Variants in MALRD1 observed in about 807,000 individuals in gnomAD.
The protein encoded by MALRD1 is MAM and LDL-receptor class A domain-containing protein 1.
MALRD1 carries 247 observed loss-of-function variants against 242.1 expected under a neutral mutation model. The ratio of observed to expected loss-of-function variants is 1.02; its 90% CI spans 0.92 to 1.13. The LOEUF is 1.13. Among genes scored for constraint, MALRD1 ranks in the 50% most tolerant of loss-of-function variants. MALRD1 has a pLI of 0.00. For synonymous variants in MALRD1, 995 were observed against 866.6 expected (o/e 1.15, Z -2.60); for missense variants, 2,989 against 2,533.1 (o/e 1.18, Z -3.86).
chr10:19,081,801 C>T (rs552581234), intron 2 of MALRD1, among the ~76,000 whole-genome samples: 2 of 152,092 alleles, frequency 1.3e-5, no homozygotes, highest in East Asian at 3.9e-4. Context: ...AATCATCCTT[C>T]TGAATTTCAT....
At chr10:19,289,403 A>G (rs546410118) in intron 21 of MALRD1, among the ~76,000 whole-genome samples, 68 of 152,330 alleles carry the variant, frequency 4.5e-4, no homozygotes, top group African/African-American at 1.6e-3. Flanking sequence ...TTATTTGTTG[A>G]ATGAATTAGT....
intron 14 of MALRD1, among the ~76,000 whole-genome samples, chr10:19,197,387 ATGT>A (rs1481743708): frequency 6.6e-6 from 1 of 152,158 alleles, no homozygotes; most frequent in East Asian, 1.9e-4. Context: ...GTAAAGTCAG[ATGT>A]TGTCACATCT....
intron 38 of MALRD1, among the ~76,000 whole-genome samples, chr10:19,728,939 C>A (rs575155501): frequency 2.6e-5 from 4 of 152,228 alleles, no homozygotes; most frequent in African/African-American, 9.6e-5. Flanking sequence ...TTAATCAGAG[C>A]AACTAATAAG....
chr10:19,503,235 G>A (rs1175041967), intron 31 of MALRD1, among the ~76,000 whole-genome samples: 2 of 152,180 alleles, frequency 1.3e-5, no homozygotes, highest in Non-Finnish European at 2.9e-5. Context: ...TGAATAAATT[G>A]TAAGGACATT....
chr10:19,257,872 C>G, intron 19 of MALRD1, 101 bp downstream of exon 19: 1 of 751,260 alleles, frequency 1.3e-6, no homozygotes, highest in Non-Finnish European at 2.0e-6. Flanking sequence ...TCCAATATGA[C>G]CTTGCTTTTA....
chr10:19,468,809 C>G (rs3904902), intron 29 of MALRD1, among the ~76,000 whole-genome samples: 118,893 of 151,958 alleles, frequency 0.78, 46,715 homozygotes, highest in East Asian at 1. Flanking sequence ...ATTTTTTGCC[C>G]TTTGTTCTTT....
chr10:19,473,871 A>G (rs184812044), intron 29 of MALRD1, among the ~76,000 whole-genome samples: 31 of 152,178 alleles, frequency 2.0e-4, no homozygotes, highest in African/African-American at 7.5e-4. Context: ...TGGTAATTCT[A>G]TTTGTAATTT....
At chr10:19,684,994 G>T (rs1418293148) in intron 36 of MALRD1, among the ~76,000 whole-genome samples, 3 of 151,976 alleles carry the variant, frequency 2.0e-5, no homozygotes, top group Non-Finnish European at 4.4e-5. Flanking sequence ...CTCATATTTG[G>T]ATATATCTCT....
At chr10:19,678,711 A>G (rs2131785070) in intron 36 of MALRD1, among the ~76,000 whole-genome samples, 1 of 152,336 alleles carries the variant, frequency 6.6e-6, no homozygotes, top group African/African-American at 2.4e-5. Context: ...GAAAGAGGAC[A>G]TCCTTGTCTT....
chr10:19,352,389 T>C, intron 26 of MALRD1, 92 bp downstream of exon 26: 1 of 1,104,736 alleles, frequency 9.1e-7, no homozygotes, highest in Non-Finnish European at 1.3e-6. Context: ...CATAAACACC[T>C]AGTAATTTAT....
chr10:19,383,123 G>A (rs963892441), intron 26 of MALRD1, among the ~76,000 whole-genome samples: 5 of 152,076 alleles, frequency 3.3e-5, no homozygotes, highest in African/African-American at 1.2e-4. Context: ...TATCATGGGG[G>A]TTTGGTGTAC....
At chr10:19,584,917 G>A (rs1321213829) in intron 33 of MALRD1, among the ~76,000 whole-genome samples, 1 of 151,802 alleles carries the variant, frequency 6.6e-6, no homozygotes, top group Non-Finnish European at 1.5e-5. Context: ...TCCTGTATTG[G>A]GTGCATATAT....
At position 19,595,211 on chromosome 10, in the gene MALRD1, C is replaced by A. The variant is rs1254184316; in HGVS notation, c.5698C>A (p.Pro1900Thr). The part of the protein sequence containing the change: ...CVTGGPVPVQ[P>T]SPCEADQFSC... ...TTTTTTAGGTCCTGTCCCAGTGCAGCCATCACCCTGTGAAGCTGATCAGTT... is the reference window on the plus strand; with the variant it reads ...TTTTTTAGGTCCTGTCCCAGTGCAGACATCACCCTGTGAAGCTGATCAGTT... The change falls in exon 34 of 40, where the codon CCA becomes ACA. Residue 1900 changes from proline to threonine, a missense_variant. Physicochemically the swap from Pro to Thr is conservative, Grantham distance 38. Transcript: ENST00000454679. 6.5e-7 allele frequency: 1 copy of A among 1,549,936 alleles called. No homozygotes were observed. Among genetic ancestry groups the A allele is most frequent in the Non-Finnish European group, 8.7e-7 (1 of 1,146,604 alleles).
intron 5 of MALRD1, among the ~76,000 whole-genome samples, chr10:19,104,491 T>C (rs1287465705): frequency 6.6e-6 from 1 of 152,166 alleles, no homozygotes; most frequent in East Asian, 1.9e-4. Flanking sequence ...TATTTTCTAT[T>C]TTGACACATC....
At chr10:19,364,998 T>C (rs941637166) in intron 26 of MALRD1, among the ~76,000 whole-genome samples, 4 of 152,140 alleles carry the variant, frequency 2.6e-5, no homozygotes, top group African/African-American at 7.2e-5. Flanking sequence ...CACCACATCA[T>C]CTGCTTTCAC....
At chr10:19,292,125 A>G (rs1841466580) in intron 21 of MALRD1, among the ~76,000 whole-genome samples, 1 of 151,726 alleles carries the variant, frequency 6.6e-6, no homozygotes, top group Non-Finnish European at 1.5e-5. Flanking sequence ...GTCCTAAAGG[A>G]ACTATTATAA....
intron 24 of MALRD1, among the ~76,000 whole-genome samples, chr10:19,346,585 GA>G (rs1464889812): frequency 1.3e-5 from 2 of 152,106 alleles, no homozygotes; most frequent in African/African-American, 4.8e-5. Context: ...ACTTCATAAA[GA>G]ATTATTGTCG....
At chr10:19,590,560 A>G (rs962604322) in intron 33 of MALRD1, among the ~76,000 whole-genome samples, 13 of 152,110 alleles carry the variant, frequency 8.5e-5, no homozygotes, top group African/African-American at 3.1e-4. Flanking sequence ...AACACTCTCC[A>G]AACATAAAAA....
At chr10:19,208,273 C>T (rs530448736) in intron 17 of MALRD1, among the ~76,000 whole-genome samples, 2 of 152,084 alleles carry the variant, frequency 1.3e-5, no homozygotes, top group Non-Finnish European at 1.5e-5. Flanking sequence ...TGATGAATCA[C>T]AGCAAAAAAA....
Sources: gnomAD v4.1 joint callset for allele counts (sites outside exome capture counted in the v4.1 genomes callset) on GRCh38, gnomAD v4.1.1 for gene constraint, MANE v1.5 for transcripts, NCBI Gene and HGNC (gene_info 2026-07-23, HGNC 2026-07-21) for gene names.